The following POGLUT3 variants were observed in gnomAD, a reference collection of about 807,000 sequenced individuals.
The protein encoded by POGLUT3 is protein O-glucosyltransferase 3, also known as KDEL (Lys-Asp-Glu-Leu) containing 2.
A neutral mutation model predicts 54.3 loss-of-function variants in POGLUT3; 48 were observed. That is an observed-to-expected ratio of 0.88 (90% CI 0.70 to 1.12). The LOEUF is 1.12. Ranked by LOEUF, POGLUT3 falls within the 50% of genes most tolerant of loss-of-function variation. The pLI is 0.00. For synonymous variants in POGLUT3, 218 were observed against 237.4 expected (o/e 0.92, Z 0.75); for missense variants, 629 against 618.7 (o/e 1.02, Z -0.18).
chr11:108,487,155 G>A (rs2093604989), intron 2 of POGLUT3, among the ~76,000 whole-genome samples: 1 of 152,038 alleles, frequency 6.6e-6, no homozygotes, highest in South Asian at 2.1e-4. Flanking sequence ...TCAACCAACT[G>A]CCAATCAGAA....
intron 1 of POGLUT3, chr11:108,491,521 C>A (rs1197540852): frequency 3.2e-6 from 1 of 311,158 alleles, no homozygotes; most frequent in African/African-American, 2.1e-5. Context: ...TGCCACCATG[C>A]CCAGCTAATT....
Position 108,486,236 on chromosome 11 carries a change from T to C in POGLUT3, c.605A>G (p.His202Arg), listed in dbSNP as rs1366890738. ...TTTCCCTAAAGATCTCCGGTAAACA[T>C]GGTTATTGAGAATCGTGTAATGAAC... ...AIVHYTILNN[H>R]VYRRSLGKYT... is the part of the protein sequence containing the mutation. Residue 202 changes from histidine to arginine, a missense_variant, in exon 3 of 8, where the codon CAT becomes CGT. His to Arg is a conservative substitution (Grantham distance 29). Transcript: ENST00000323468. 7.4e-6 allele frequency: 12 copies of C among 1,613,486 alleles called. No individual in the cohort carries two copies. The highest frequency in any genetic ancestry group is 2.5e-6 in the Non-Finnish European group (3 of 1,179,492).
chr11:108,497,742 C>T (rs11212679), intron 1 of POGLUT3, among the ~76,000 whole-genome samples: 7,973 of 152,286 alleles, frequency 0.052, 242 homozygotes, highest in African/African-American at 0.076. Context: ...TTTCGTTGCT[C>T]CAAACCCACC....
At chr11:108,486,090 A>C (rs2093602696) in intron 3 of POGLUT3, 67 bp downstream of exon 3, 4 of 1,278,596 alleles carry the variant, frequency 3.1e-6, no homozygotes, top group African/African-American at 1.5e-5. Flanking sequence ...TTGTCATTAT[A>C]ATTCTAAACA....
At position 108,498,168 on chromosome 11, in the gene POGLUT3, C is replaced by G. The variant is rs867821529; in HGVS notation, c.199G>C (p.Ala67Pro). The stretch of plus-strand genomic sequence containing the variant: ...GAGGCCGGCGGCTGGACACTACCTG[C>G]GGGAGAGCGAGTGAGGTTCTGGCCC... ...SEGQNLTRSP[A>P]GETPFKVVVK... Residue 67 changes from alanine to proline, a missense_variant, in exon 1 of 8, where the codon GCA becomes CCA. Ala to Pro is a conservative substitution (Grantham distance 27). Coordinates refer to ENST00000323468, the MANE Select transcript of POGLUT3 (RefSeq NM_153705.5). 2 of 1,512,224 alleles carry G rather than the reference C, an allele frequency of 1.3e-6. No individual in the cohort carries two copies. Among genetic ancestry groups the G allele is most frequent in the Non-Finnish European group, 1.8e-6 (2 of 1,131,440 alleles). 93.7% of individuals were successfully genotyped at this position (1,512,224 alleles called of 1,614,324 possible). A position where few individuals can be genotyped will look rare whatever the true frequency, so the allele number is the denominator to read the frequency against.
rs2093574417 is a variant in POGLUT3, at chr11:108,473,614, C to T, written c.*1213G>A. ...TGTTCTTGGCCTATTATTAGTGAATCCCAAGATAGCAGGCTTCCTGAAGAT... is the reference window on the plus strand; with the variant it reads ...TGTTCTTGGCCTATTATTAGTGAATTCCAAGATAGCAGGCTTCCTGAAGAT... On this transcript the variant is annotated 3_prime_UTR_variant, in exon 8 of 8. Coordinates refer to ENST00000323468, the MANE Select transcript of POGLUT3 (RefSeq NM_153705.5). The T allele has an allele frequency of 1.3e-5, 2 of 152,156 alleles. No individual in the cohort carries two copies. The highest frequency in any genetic ancestry group is 4.1e-4 in the South Asian group (2 of 4,826). The allele number at this position is 152,156 out of a possible 1,614,324, so 9.4% of individuals were successfully genotyped here.
intron 3 of POGLUT3, among the ~76,000 whole-genome samples, chr11:108,485,637 T>TTTATTTA (rs72483660): frequency 9.8e-5 from 2 of 20,382 alleles, no homozygotes; most frequent in Non-Finnish European, 1.7e-4. Context: ...TTTATTCTAT[T>TTTATTTA]TTATTTATTT....
At chr11:108,490,886 T>C in intron 2 of POGLUT3, 84 bp downstream of exon 2, 1 of 949,008 alleles carries the variant, frequency 1.1e-6, no homozygotes, top group Non-Finnish European at 1.7e-6. Context: ...TGCACATGAC[T>C]TTGAGGTCAT....
At chr11:108,479,230 T>C in intron 6 of POGLUT3, 71 bp downstream of exon 6, 1 of 991,574 alleles carries the variant, frequency 1.0e-6, no homozygotes, top group South Asian at 1.6e-5. Flanking sequence ...TCAAATTGTA[T>C]TGTGATGGAA....
intron 2 of POGLUT3, among the ~76,000 whole-genome samples, chr11:108,488,012 GT>G (rs978980514): frequency 5.9e-5 from 9 of 151,996 alleles, no homozygotes; most frequent in Admixed American, 2.6e-4. Flanking sequence ...TGAAACAATA[GT>G]TTTTTGTTGT....
chr11:108,473,257 A>AGG lies in POGLUT3; in HGVS notation c.*1569_*1570insCC, dbSNP rs1389897366. ...TTTTTAGTAGAGACGGGGTTTCACCATGTTGGCCAGGCTGGTCTCAAACTC... is the reference window on the plus strand; with the variant it reads ...TTTTTAGTAGAGACGGGGTTTCACCAGGTGTTGGCCAGGCTGGTCTCAAACTC... On this transcript the variant is annotated 3_prime_UTR_variant, in exon 8 of 8. Transcript: ENST00000323468. 3 of 152,188 alleles carry AGG rather than the reference A, an allele frequency of 2.0e-5. No homozygotes were observed. The highest frequency in any genetic ancestry group is 7.2e-5 in the African/African-American group (3 of 41,436). 9.4% of individuals were successfully genotyped at this position (152,188 alleles called of 1,614,324 possible). A position where few individuals can be genotyped will look rare whatever the true frequency, so the allele number is the denominator to read the frequency against.
At chr11:108,477,294 T>C (rs1252059584) in intron 7 of POGLUT3, among the ~76,000 whole-genome samples, 1 of 151,810 alleles carries the variant, frequency 6.6e-6, no homozygotes, top group African/African-American at 2.4e-5. Flanking sequence ...CCCAGCTACT[T>C]GGGAGTCTGA....
At chr11:108,485,365 G>A (rs1052167596) in intron 3 of POGLUT3, among the ~76,000 whole-genome samples, 4 of 152,132 alleles carry the variant, frequency 2.6e-5, no homozygotes, top group Non-Finnish European at 1.5e-5. Context: ...GGTTGTGCAT[G>A]CCTATAGTCC....
intron 1 of POGLUT3, among the ~76,000 whole-genome samples, chr11:108,494,800 C>T (rs1339061098): frequency 1.3e-5 from 2 of 152,106 alleles, no homozygotes; most frequent in Non-Finnish European, 2.9e-5. Context: ...TCAATCATCC[C>T]TCCCTCCACC....
rs371817425 is a variant in POGLUT3, at chr11:108,486,251, G to C, written c.590C>G (p.Thr197Arg). The change falls in exon 3 of 8, where the codon ACG becomes AGG. Residue 197 changes from threonine (T) to arginine (R), a missense_variant. Transcript: ENST00000323468. Reference protein sequence around the residue: ...GDERGAIVHYTILNNHVYRRS... With the variant: ...GDERGAIVHYRILNNHVYRRS... The stretch of plus-strand genomic sequence containing the variant: ...CCGGTAAACATGGTTATTGAGAATC[G>C]TGTAATGAACAATGGCACCTCTCTC... 10 of 1,613,534 alleles carry C rather than the reference G, an allele frequency of 6.2e-6. No homozygotes were observed. The African/African-American group carries it at 8.0e-5, about 13-fold the overall frequency.
chr11:108,487,323 T>C (rs2093605435), intron 2 of POGLUT3, among the ~76,000 whole-genome samples: 1 of 151,922 alleles, frequency 6.6e-6, no homozygotes, highest in Non-Finnish European at 1.5e-5. Context: ...AACCAAGTTG[T>C]AGCCTGATCA....
intron 7 of POGLUT3, among the ~76,000 whole-genome samples, chr11:108,475,706 C>A (rs913961372): frequency 5.3e-5 from 8 of 151,814 alleles, no homozygotes; most frequent in Admixed American, 3.9e-4. Flanking sequence ...TGGACTCAAG[C>A]AATCTGCCTA....
At chr11:108,494,165 A>G (rs1373906480) in intron 1 of POGLUT3, among the ~76,000 whole-genome samples, 3 of 152,240 alleles carry the variant, frequency 2.0e-5, no homozygotes, top group Non-Finnish European at 4.4e-5. Context: ...GGTCACATAC[A>G]TAATGAGCAG....
intron 2 of POGLUT3, 56 bp downstream of exon 2, chr11:108,490,914 G>T: frequency 7.2e-7 from 1 of 1,388,378 alleles, no homozygotes; most frequent in Non-Finnish European, 1.0e-6. Context: ...AGGCCATTCT[G>T]AAAGGCATGG....
Sources: allele counts gnomAD v4.1 joint callset (sites outside exome capture counted in the v4.1 genomes callset), GRCh38; gene constraint gnomAD v4.1.1; transcripts MANE v1.5; gene names NCBI Gene and HGNC (gene_info 2026-07-23, HGNC 2026-07-21).